The following ATRNL1 variants were observed in gnomAD, a reference collection of about 807,000 sequenced individuals.
ATRNL1 encodes the protein attractin like 1, also known as attractin-like protein 1.
ATRNL1 carries 95 observed loss-of-function variants against 182.7 expected under a neutral mutation model. That is an observed-to-expected ratio of 0.52 (90% confidence interval 0.44 to 0.62). ATRNL1 has a LOEUF of 0.62. Among genes scored for constraint, ATRNL1 ranks in the 20% least tolerant of loss-of-function variants. The probability of loss-of-function intolerance (pLI) is 0.00; values close to 1 mark genes in which losing one functional copy is unlikely to be tolerated. For synonymous variants in ATRNL1, 576 were observed against 568.3 expected (o/e 1.01, Z -0.19); for missense variants, 1,471 against 1,679.5 (o/e 0.88, Z 2.17).
chr10:115,529,890 C>T (rs894282692), intron 25 of ATRNL1, among the ~76,000 whole-genome samples: 1 of 152,084 alleles, frequency 6.6e-6, no homozygotes, highest in African/African-American at 2.4e-5. Flanking sequence ...GTCACTCCCC[C>T]CTTTTACATA....
Position 115,766,186 on chromosome 10 carries a change from A to G in ATRNL1, c.3903+38831A>G, listed in dbSNP as rs375467303. Among the ~76,000 whole-genome samples, 3 of 152,214 alleles carry G rather than the reference A, an allele frequency of 2.0e-5. No individual in the cohort carries two copies. The East Asian group carries it at 5.8e-4, about 29-fold the overall frequency. ...GATTGAATGCCTCTTACACAAGTAT[A>G]TCTACAGGAAAAAATCATAGAAGTC... On this transcript the variant is annotated intron_variant, in intron 27 of 28. Transcript: ENST00000355044.
At chr10:115,454,156 A>G (rs73371422) in intron 21 of ATRNL1, among the ~76,000 whole-genome samples, 7,971 of 152,030 alleles carry the variant, frequency 0.052, 636 homozygotes, top group African/African-American at 0.18. Flanking sequence ...TAATGAAGAG[A>G]CTATCCCTTC....
chr10:115,655,920 C>T (rs1252562509), intron 26 of ATRNL1, among the ~76,000 whole-genome samples: 3 of 152,048 alleles, frequency 2.0e-5, no homozygotes. Flanking sequence ...CTACTTGCAC[C>T]GTGCACTAAA....
At chr10:115,543,610 C>T (rs528474388) in intron 25 of ATRNL1, among the ~76,000 whole-genome samples, 2 of 152,144 alleles carry the variant, frequency 1.3e-5, no homozygotes, top group African/African-American at 4.8e-5. Context: ...AATATTATCT[C>T]TTTTTACAAT....
At chr10:115,529,315 CTA>C (rs1433415585) in intron 25 of ATRNL1, among the ~76,000 whole-genome samples, 1 of 151,580 alleles carries the variant, frequency 6.6e-6, no homozygotes, top group East Asian at 1.9e-4. Flanking sequence ...TAGAATTTGT[CTA>C]TGTCTTTTTG....
At chr10:115,944,365 G>A (rs983436418) in intron 28 of ATRNL1, among the ~76,000 whole-genome samples, 1 of 151,596 alleles carries the variant, frequency 6.6e-6, no homozygotes, top group Non-Finnish European at 1.5e-5. Flanking sequence ...TGGAGAGGAA[G>A]GTTTAGGGTC....
At chr10:115,662,822 T>C (rs543382336) in intron 26 of ATRNL1, among the ~76,000 whole-genome samples, 83 of 152,244 alleles carry the variant, frequency 5.5e-4, no homozygotes, top group Non-Finnish European at 1.1e-3. Context: ...AAAGTTTTAC[T>C]TAAAATCATA....
rs1432740877 is a variant in ATRNL1 at position 115,944,844 on chromosome 10, A to G, written c.*65A>G. 3.8e-5 allele frequency: 57 copies of G among 1,509,782 alleles called. No homozygotes were observed. In the Middle Eastern group the frequency reaches 1.2e-3, roughly 33 times the overall value. The allele number at this position is 1,509,782 out of a possible 1,614,324, so 93.5% of individuals were successfully genotyped here. A position where few individuals can be genotyped will look rare whatever the true frequency, so the allele number is the denominator to read the frequency against. The stretch of plus-strand genomic sequence containing the variant: ...TTCGGGCTTCTGTTAAAGCTGTTCT[A>G]TGGCCTTGGATTTTATGGAGGCAGA... On this transcript the variant is annotated 3_prime_UTR_variant, in exon 29 of 29. Transcript: ENST00000355044.
chr10:115,419,468 A>T (rs184380467), intron 20 of ATRNL1, among the ~76,000 whole-genome samples: 118 of 152,308 alleles, frequency 7.7e-4, no homozygotes, highest in Non-Finnish European at 1.3e-4. Flanking sequence ...GAAATTATTC[A>T]GTTAAAAGAG....
At chr10:115,095,360 CT>C (rs367762933) in intron 1 of ATRNL1, among the ~76,000 whole-genome samples, 50,533 of 141,174 alleles carry the variant, frequency 0.36, 8,961 homozygotes, top group Middle Eastern at 0.46. Flanking sequence ...GCATACTTTC[CT>C]TTTTTTTTTT....
chr10:115,241,513 A>G lies in ATRNL1; in HGVS notation c.1533-58A>G, dbSNP rs181510564. The G allele has an allele frequency of 1.3e-4, 161 of 1,261,870 alleles. No individual in the cohort carries two copies. The African/African-American group carries it at 1.9e-3, about 15-fold the overall frequency. The allele number at this position is 1,261,870 out of a possible 1,614,324, so 78.2% of individuals were successfully genotyped here. A position where few individuals can be genotyped will look rare whatever the true frequency, so the allele number is the denominator to read the frequency against. On this transcript the variant is annotated intron_variant, in intron 9 of 28. Transcript: ENST00000355044. ...AAAGTAGACCCTTTATATAACATAT[A>G]TAAAATCAGGGAGGTCATTTTATCC...
chr10:115,529,807 ATTC>A (rs1554987692), intron 25 of ATRNL1, among the ~76,000 whole-genome samples: 1 of 152,168 alleles, frequency 6.6e-6, no homozygotes, highest in Non-Finnish European at 1.5e-5. Context: ...GTGCACAGTT[ATTC>A]TTCAACCATT....
chr10:115,156,770 G>A (rs781942406), intron 5 of ATRNL1, among the ~76,000 whole-genome samples: 1 of 152,130 alleles, frequency 6.6e-6, no homozygotes, highest in Admixed American at 6.6e-5. Flanking sequence ...GAAAAGTAAT[G>A]CAGAGAGAGT....
intron 24 of ATRNL1, among the ~76,000 whole-genome samples, chr10:115,505,589 A>G (rs1038124622): frequency 1.3e-5 from 2 of 152,048 alleles, no homozygotes; most frequent in South Asian, 4.1e-4. Context: ...GATATTTTAA[A>G]CTATTTTAGG....
At chr10:115,813,119 G>C (rs956229717) in intron 27 of ATRNL1, among the ~76,000 whole-genome samples, 1 of 151,956 alleles carries the variant, frequency 6.6e-6, no homozygotes, top group African/African-American at 2.4e-5. Flanking sequence ...TGCCCACCCT[G>C]CCTGGGATCA....
chr10:115,618,895 T>TTTTTTGTG (rs1472373020), intron 26 of ATRNL1, among the ~76,000 whole-genome samples: 2 of 152,130 alleles, frequency 1.3e-5, no homozygotes, highest in Non-Finnish European at 2.9e-5. Flanking sequence ...CTCTTTAGGG[T>TTTTTTGTG]TTTTTGTGTT....
chr10:115,399,668 C>T (rs184557056), intron 20 of ATRNL1, among the ~76,000 whole-genome samples: 122 of 151,622 alleles, frequency 8.0e-4, no homozygotes, highest in Non-Finnish European at 1.5e-3. Flanking sequence ...TCTTTATCTC[C>T]TTCATTTCAT....
At chr10:115,303,540 G>A (rs1554925331) in intron 17 of ATRNL1, among the ~76,000 whole-genome samples, 4 of 152,082 alleles carry the variant, frequency 2.6e-5, no homozygotes, top group African/African-American at 7.2e-5. Context: ...GTTTATGTCC[G>A]TTGAGGATGC....
chr10:115,716,273 T>C (rs2804158), intron 26 of ATRNL1, among the ~76,000 whole-genome samples: 23,982 of 152,152 alleles, frequency 0.16, 2,480 homozygotes, highest in Non-Finnish European at 0.22. Flanking sequence ...CATTTTGCAA[T>C]ATTGAACTGA....
Sources: allele counts gnomAD v4.1 joint callset (sites outside exome capture counted in the v4.1 genomes callset), GRCh38; gene constraint gnomAD v4.1.1; transcripts MANE v1.5; gene names NCBI Gene and HGNC (gene_info 2026-07-23, HGNC 2026-07-21).